The following C8orf34 variants were observed in gnomAD, a reference collection of about 807,000 sequenced individuals.
The protein encoded by C8orf34 is chromosome 8 open reading frame 34, also known as uncharacterized protein C8orf34.
Under a neutral mutation model 68.3 loss-of-function variants are expected in C8orf34, and 65 were observed. The observed-to-expected ratio is 0.95, with a 90% CI of 0.78 to 1.17. The LOEUF (loss-of-function observed/expected upper bound fraction) is 1.17, where lower values mean the gene tolerates loss of function less well. C8orf34 is among the 50% of genes most tolerant of loss of function. The pLI is 0.00. For missense variants in C8orf34, 664 were observed against 655.4 expected (o/e 1.01, Z -0.14); for synonymous variants, 244 against 241.2 (o/e 1.01, Z -0.11).
intron 1 of C8orf34, among the ~76,000 whole-genome samples, chr8:68,381,440 AG>A (rs1292131344): frequency 6.6e-6 from 1 of 152,362 alleles, no homozygotes; most frequent in Middle Eastern, 3.4e-3. Context: ...CATTTAAAAT[AG>A]GTATATTAAG....
At chr8:68,393,896 A>T (rs1289703645) in intron 1 of C8orf34, among the ~76,000 whole-genome samples, 1 of 152,120 alleles carries the variant, frequency 6.6e-6, no homozygotes, top group South Asian at 2.1e-4. Flanking sequence ...AGGGCCTTAC[A>T]GTAATCTAGG....
chr8:68,580,287 T>A (rs1335628935), intron 7 of C8orf34, among the ~76,000 whole-genome samples: 18 of 151,000 alleles, frequency 1.2e-4, no homozygotes, highest in Admixed American at 1.1e-3. Flanking sequence ...GAAAAGAAGA[T>A]GAAGTGAAAG....
At chr8:68,673,117 A>T (rs1459290410) in intron 8 of C8orf34, among the ~76,000 whole-genome samples, 2 of 152,126 alleles carry the variant, frequency 1.3e-5, no homozygotes. Flanking sequence ...CATAACCAGC[A>T]GTGGTACCCA....
At chr8:68,466,236 C>T (rs1010978313) in intron 3 of C8orf34, among the ~76,000 whole-genome samples, 1 of 151,528 alleles carries the variant, frequency 6.6e-6, no homozygotes, top group Non-Finnish European at 1.5e-5. Context: ...GTGATTGGGG[C>T]ATGGGGGAAA....
At chr8:68,773,308 C>T (rs908813937) in intron 10 of C8orf34, among the ~76,000 whole-genome samples, 1 of 152,130 alleles carries the variant, frequency 6.6e-6, no homozygotes, top group East Asian at 1.9e-4. Context: ...CCTTATTCTT[C>T]GTTGTGTCCA....
chr8:68,601,218 G>A (rs1038091958), intron 7 of C8orf34, among the ~76,000 whole-genome samples: 2 of 151,844 alleles, frequency 1.3e-5, no homozygotes, highest in African/African-American at 4.8e-5. Flanking sequence ...ATTATTTTGT[G>A]TCTTGGTATG....
At chr8:68,375,756 G>C (rs886236758) in intron 1 of C8orf34, among the ~76,000 whole-genome samples, 1 of 152,200 alleles carries the variant, frequency 6.6e-6, no homozygotes, top group Admixed American at 6.5e-5. Context: ...CTAGCAATTA[G>C]TCAGCATTTA....
chr8:68,726,023 C>T lies in C8orf34; in HGVS notation c.1404+4586C>T, dbSNP rs535879412. Among the ~76,000 whole-genome samples, 3 of 152,272 alleles carry T rather than the reference C, an allele frequency of 2.0e-5. No homozygotes were observed. In the East Asian group the frequency reaches 5.8e-4, roughly 29 times the overall value. On this transcript the variant is annotated intron_variant, in intron 10 of 13. Transcript: ENST00000518698. ...TCCTGGGTTCAAGCAATTCTCATGGCTCTGGCTCCCTAGTGTCTGGGATTA... is the reference window on the plus strand; with the variant it reads ...TCCTGGGTTCAAGCAATTCTCATGGTTCTGGCTCCCTAGTGTCTGGGATTA...
At chr8:68,578,037 TA>T (rs960883475) in intron 7 of C8orf34, among the ~76,000 whole-genome samples, 4 of 149,642 alleles carry the variant, frequency 2.7e-5, no homozygotes, top group South Asian at 4.2e-4. Context: ...TATAATAAGT[TA>T]AAAAAAAACT....
chr8:68,581,096 CAT>C (rs1817051186), intron 7 of C8orf34, among the ~76,000 whole-genome samples: 3 of 152,070 alleles, frequency 2.0e-5, no homozygotes, highest in African/African-American at 7.2e-5. Flanking sequence ...AATGCATATA[CAT>C]TTATTTAATA....
At chr8:68,812,548 T>C (rs1824682528) in intron 12 of C8orf34, among the ~76,000 whole-genome samples, 1 of 152,140 alleles carries the variant, frequency 6.6e-6, no homozygotes. Context: ...TTTTTTAAGG[T>C]TTCTACCACT....
chr8:68,699,057 C>A (rs1221034053), intron 8 of C8orf34, among the ~76,000 whole-genome samples: 2 of 151,948 alleles, frequency 1.3e-5, no homozygotes, highest in African/African-American at 4.8e-5. Flanking sequence ...TGGAAACTTA[C>A]TAGAAACACA....
rs1191387385 is a variant in C8orf34, at chr8:68,331,210, C to T, written c.198C>T (p.Pro66=). The change falls in exon 1 of 14, where the codon CCC becomes CCT. Residue 66 remains proline (P), a synonymous_variant. Transcript: ENST00000518698. ...GTCCGGGTAAAAGGAGGGTTGTCCC[C>T]AGCGGAGGCGCACAGCCGCGCGTTC... The part of the protein sequence containing the change: ...GPSPGKRRVV[P]SGGAQPRVLP... 1.3e-6 allele frequency: 2 copies of T among 1,535,586 alleles called. No homozygotes were observed. The highest frequency in any genetic ancestry group is 2.7e-5 in the African/African-American group (2 of 72,962).
chr8:68,524,729 C>T (rs1814904298), intron 6 of C8orf34, among the ~76,000 whole-genome samples: 1 of 152,160 alleles, frequency 6.6e-6, no homozygotes, highest in African/African-American at 2.4e-5. Flanking sequence ...TAAAAATAAT[C>T]CCATGTTTAT....
chr8:68,560,760 T>C (rs1038102707), intron 7 of C8orf34, among the ~76,000 whole-genome samples: 9 of 152,056 alleles, frequency 5.9e-5, no homozygotes, highest in African/African-American at 1.9e-4. Flanking sequence ...ACACTTAACA[T>C]AGATGGAGCT....
intron 5 of C8orf34, among the ~76,000 whole-genome samples, chr8:68,516,620 CTATTTATT>C (rs200892538): frequency 2.0e-4 from 30 of 150,070 alleles, no homozygotes; most frequent in Non-Finnish European, 3.2e-4. Context: ...ACTGGGAATG[CTATTTATT>C]TATTTATTTA....
At chr8:68,574,233 C>T (rs546684949) in intron 7 of C8orf34, among the ~76,000 whole-genome samples, 2 of 151,932 alleles carry the variant, frequency 1.3e-5, no homozygotes, top group African/African-American at 4.8e-5. Context: ...AAATAATTAT[C>T]TTAATTCAAA....
chr8:68,765,705 A>G (rs534029709), intron 10 of C8orf34, among the ~76,000 whole-genome samples: 1 of 152,344 alleles, frequency 6.6e-6, no homozygotes, highest in East Asian at 1.9e-4. Context: ...AGTTTATGAC[A>G]GACTAGATGA....
intron 9 of C8orf34, among the ~76,000 whole-genome samples, chr8:68,717,544 A>T (rs1237173605): frequency 6.6e-6 from 1 of 151,910 alleles, no homozygotes; most frequent in African/African-American, 2.4e-5. Flanking sequence ...TCAAGGTAAG[A>T]GGAGGCTGGG....
Sources: gnomAD v4.1 joint callset for allele counts (sites outside exome capture counted in the v4.1 genomes callset) on GRCh38, gnomAD v4.1.1 for gene constraint, MANE v1.5 for transcripts, NCBI Gene and HGNC (gene_info 2026-07-23, HGNC 2026-07-21) for gene names.